The following SEPTIN6 variants were observed in gnomAD, a reference collection of about 807,000 sequenced individuals.
The protein encoded by SEPTIN6 is septin-6.
Under a neutral mutation model 33.6 loss-of-function variants are expected in SEPTIN6, and 8 were observed. That is an observed-to-expected ratio of 0.24 (90% confidence interval 0.14 to 0.43). The LOEUF (loss-of-function observed/expected upper bound fraction) is 0.43. Among genes scored for constraint, SEPTIN6 ranks in the 20% least tolerant of loss-of-function variants. The pLI, the probability that SEPTIN6 is intolerant of heterozygous loss-of-function variation, is 1.00. For synonymous variants in SEPTIN6, 131 were observed against 140.0 expected (o/e 0.94, Z 0.45); for missense variants, 250 against 340.8 (o/e 0.73, Z 2.10).
chrX:119,632,583 C>T (rs774030875), intron 8 of SEPTIN6, among the ~76,000 whole-genome samples: 1 of 109,383 alleles, frequency 9.1e-6, no homozygotes, highest in African/African-American at 3.3e-5. Context: ...GAGAGTGTGA[C>T]AGGTTAAATG....
intron 1 of SEPTIN6, among the ~76,000 whole-genome samples, chrX:119,685,446 G>C (rs916947501): frequency 9.0e-6 from 1 of 111,368 alleles, no homozygotes; most frequent in Non-Finnish European, 1.9e-5. Flanking sequence ...GGACCTAAAA[G>C]AAATGAGGCT....
chrX:119,617,353 T>G lies in SEPTIN6; in HGVS notation c.*2740A>C. 2 of 803,874 alleles carry G rather than the reference T, an allele frequency of 2.5e-6. No individual in the cohort carries two copies. Among genetic ancestry groups the G allele is most frequent in the Non-Finnish European group, 3.0e-6 (2 of 669,549 alleles). 66.2% of individuals were successfully genotyped at this position (803,874 alleles called of 1,213,427 possible). ...CTACCCAATGAAATACACATTTTAA[T>G]AGGTTGATCAACTTTTTAATTTATG... On this transcript the variant is annotated 3_prime_UTR_variant, in exon 11 of 11. Transcript: ENST00000394610.
chrX:119,620,080 T>C, intron 10 of SEPTIN6, 29 bp from the exon 11 acceptor site: 1 of 1,090,906 alleles, frequency 9.2e-7, no homozygotes, highest in Non-Finnish European at 1.2e-6. Context: ...GCTGAGTTAA[T>C]GAATGGATAG....
chrX:119,625,446 C>T, intron 9 of SEPTIN6, 67 bp from the exon 10 acceptor site: 1 of 1,029,591 alleles, frequency 9.7e-7, no homozygotes, highest in Non-Finnish European at 1.4e-6. Flanking sequence ...TATGACTTGA[C>T]ACAAACAATG....
chrX:119,689,511 G>A (rs2055120328), intron 1 of SEPTIN6, among the ~76,000 whole-genome samples: 1 of 111,776 alleles, frequency 8.9e-6, no homozygotes, highest in Non-Finnish European at 1.9e-5. Context: ...TTTTGAGACG[G>A]ATTCCCACTC....
intron 3 of SEPTIN6, among the ~76,000 whole-genome samples, chrX:119,653,726 C>T (rs1192793159): frequency 2.7e-5 from 3 of 112,204 alleles, no homozygotes; most frequent in Non-Finnish European, 5.6e-5. Context: ...ACTTGGCTCC[C>T]CCAAGGTCAA....
chrX:119,643,418 A>G (rs1198211875), intron 5 of SEPTIN6, among the ~76,000 whole-genome samples: 1 of 109,752 alleles, frequency 9.1e-6, no homozygotes, highest in Non-Finnish European at 1.9e-5. Context: ...CCAAGAAGAA[A>G]ACAAAGGCAT....
chrX:119,688,941 G>A lies in SEPTIN6; in HGVS notation c.30+4135C>T, dbSNP rs1023130032. On this transcript the variant is annotated intron_variant, in intron 1 of 10. Coordinates refer to ENST00000394610, the MANE Select transcript of SEPTIN6 (RefSeq NM_145799.4). ...ACCTTTAGTGGGTGGTGGTAGGAACGCCTGAAGCAGAGACCTCAAAGGGAA... is the reference window on the plus strand; with the variant it reads ...ACCTTTAGTGGGTGGTGGTAGGAACACCTGAAGCAGAGACCTCAAAGGGAA... Among the ~76,000 whole-genome samples, 10 of 110,877 alleles carry A rather than the reference G, an allele frequency of 9.0e-5. 1 individual carries two copies. The South Asian group carries it at 3.1e-3, about 34-fold the overall frequency.
chrX:119,616,819 G>A (rs1272763191), downstream of SEPTIN6: 3 of 1,076,808 alleles, frequency 2.8e-6, no homozygotes, highest in Admixed American at 7.6e-5. Flanking sequence ...GACAGGGGGA[G>A]GGGAATGGGC....
At chrX:119,645,708 T>A (rs756153994) in intron 5 of SEPTIN6, among the ~76,000 whole-genome samples, 11 of 111,528 alleles carry the variant, frequency 9.9e-5, no homozygotes, top group Non-Finnish European at 1.7e-4. Context: ...TTTTTTGTAT[T>A]TTTAGTAGAG....
At chrX:119,667,990 A>G (rs370816596) in intron 2 of SEPTIN6, among the ~76,000 whole-genome samples, 2 of 111,706 alleles carry the variant, frequency 1.8e-5, no homozygotes, top group African/African-American at 6.5e-5. Context: ...GTACTACGAA[A>G]TATGTTTTTT....
intron 9 of SEPTIN6, among the ~76,000 whole-genome samples, chrX:119,626,843 T>C (rs1393341394): frequency 9.0e-6 from 1 of 110,656 alleles, no homozygotes; most frequent in African/African-American, 3.3e-5. Context: ...TGGGCCACCA[T>C]GCCCAGCTAA....
intron 3 of SEPTIN6, among the ~76,000 whole-genome samples, chrX:119,657,584 C>G: frequency 9.0e-6 from 1 of 111,549 alleles, no homozygotes. Flanking sequence ...ATGATCATAG[C>G]TCACTGTGAC....
At chrX:119,668,368 T>G (rs930570695) in intron 2 of SEPTIN6, among the ~76,000 whole-genome samples, 8 of 111,076 alleles carry the variant, frequency 7.2e-5, no homozygotes, top group Admixed American at 2.9e-4. Flanking sequence ...AAGAAAAGAC[T>G]TCTAGCCAGG....
Position 119,675,585 on chromosome X carries a change from G to A in SEPTIN6, c.114C>T (p.Ser38=). Residue 38 remains serine, a synonymous_variant, in exon 2 of 11, where the codon AGC becomes AGT. Transcript: ENST00000394610. ...ACAGGATGTTGAAGCAGAAGCCCTG[G>A]CTGACGGACTTATTCACCAGCTGGT... ...LPDQLVNKSV[S]QGFCFNILCV... 8.6e-7 allele frequency: 1 copy of A among 1,166,073 alleles called. No homozygotes were observed. The highest frequency in any genetic ancestry group is 1.2e-6 in the Non-Finnish European group (1 of 868,346).
At chrX:119,646,097 G>C (rs1191815580) in intron 5 of SEPTIN6, among the ~76,000 whole-genome samples, 10 of 111,722 alleles carry the variant, frequency 9.0e-5, no homozygotes, top group Non-Finnish European at 5.6e-5. Context: ...GATTGGGCTT[G>C]GTTTCCTCCC....
chrX:119,623,956 C>T (rs2053812507), intron 10 of SEPTIN6: 1 of 198,586 alleles, frequency 5.0e-6, no homozygotes, highest in African/African-American at 3.0e-5. Flanking sequence ...TTAATCCCTG[C>T]TTTCAGTCTC....
chrX:119,657,629 C>T (rs1569433023), intron 3 of SEPTIN6, among the ~76,000 whole-genome samples: 1 of 111,467 alleles, frequency 9.0e-6, no homozygotes, highest in Non-Finnish European at 1.9e-5. Flanking sequence ...TCTCCTGCCT[C>T]AGCCTTCTGA....
At chrX:119,629,592 T>A in intron 8 of SEPTIN6, 84 bp from the exon 9 acceptor site, 1 of 895,073 alleles carries the variant, frequency 1.1e-6, no homozygotes, top group Non-Finnish European at 1.6e-6. Flanking sequence ...TGGGGACCAG[T>A]AGGGCTGTGA....
Sources: gnomAD v4.1 joint callset for allele counts (sites outside exome capture counted in the v4.1 genomes callset) on GRCh38, gnomAD v4.1.1 for gene constraint, MANE v1.5 for transcripts, NCBI Gene and HGNC (gene_info 2026-07-23, HGNC 2026-07-21) for gene names.